Variants in KIFC3 observed in about 807,000 individuals in gnomAD.
The protein encoded by KIFC3 is kinesin family member C3, also known as kinesin-like protein KIFC3.
A neutral mutation model predicts 101.8 loss-of-function variants in KIFC3; 60 were observed. The ratio of observed to expected loss-of-function variants is 0.59; its 90% confidence interval spans 0.48 to 0.73. The LOEUF (loss-of-function observed/expected upper bound fraction) is 0.73. Among genes scored for constraint, KIFC3 ranks in the 30% least tolerant of loss-of-function variants. KIFC3 has a pLI of 0.00. For missense variants in KIFC3, 966 were observed against 1,137.1 expected (o/e 0.85, Z 2.16); for synonymous variants, 476 against 482.7 (o/e 0.99, Z 0.18).
chr16:57,830,004 G>C (rs941841532), intron 1 of KIFC3, among the ~76,000 whole-genome samples: 1 of 152,188 alleles, frequency 6.6e-6, no homozygotes, highest in Non-Finnish European at 1.5e-5. Context: ...AGATGACCAA[G>C]ATCATCCAAA....
At chr16:57,774,054 G>A (rs2051670694) in intron 3 of KIFC3, 1 of 152,266 alleles carries the variant, frequency 6.6e-6, no homozygotes, top group Non-Finnish European at 1.5e-5. Context: ...GGACAAGCAG[G>A]TGACCCAAGG....
intron 1 of KIFC3, among the ~76,000 whole-genome samples, chr16:57,854,962 G>A (rs1045209564): frequency 6.6e-5 from 10 of 151,654 alleles, no homozygotes; most frequent in East Asian, 2.0e-4. Flanking sequence ...GCTGACACCC[G>A]TAATCCCAGC....
At chr16:57,842,183 G>T (rs906754898) in intron 1 of KIFC3, among the ~76,000 whole-genome samples, 21 of 152,042 alleles carry the variant, frequency 1.4e-4, no homozygotes, top group African/African-American at 5.1e-4. Context: ...CTGGGCAACA[G>T]AGCGAGACTC....
chr16:57,791,972 C>A (rs1035899566), intron 3 of KIFC3, among the ~76,000 whole-genome samples: 2 of 152,176 alleles, frequency 1.3e-5, no homozygotes, highest in African/African-American at 4.8e-5. Flanking sequence ...CAACATCAAC[C>A]CCTGCACCCG....
At chr16:57,844,245 C>T (rs1345684487) in intron 1 of KIFC3, among the ~76,000 whole-genome samples, 1 of 151,844 alleles carries the variant, frequency 6.6e-6, no homozygotes, top group Non-Finnish European at 1.5e-5. Flanking sequence ...GCCTGGCCAA[C>T]ATGGGGAAGC....
chr16:57,763,829 A>G (rs1237567210), intron 12 of KIFC3, among the ~76,000 whole-genome samples: 1 of 152,118 alleles, frequency 6.6e-6, no homozygotes, highest in Non-Finnish European at 1.5e-5. Flanking sequence ...CTCAAGGTGA[A>G]ATGCAGCCCT....
chr16:57,791,349 T>C (rs1221276796), intron 3 of KIFC3, among the ~76,000 whole-genome samples: 1 of 152,216 alleles, frequency 6.6e-6, no homozygotes, highest in Non-Finnish European at 1.5e-5. Context: ...GAAGTTTCCA[T>C]TTGCCAGCCA....
intron 2 of KIFC3, among the ~76,000 whole-genome samples, chr16:57,796,516 C>T (rs1285647281): frequency 1.3e-5 from 2 of 152,170 alleles, no homozygotes; most frequent in African/African-American, 4.8e-5. Context: ...CTCAGGGTGG[C>T]AATATGGGGG....
chr16:57,850,471 T>TG (rs2056028724), intron 1 of KIFC3, among the ~76,000 whole-genome samples: 1 of 111,816 alleles, frequency 8.9e-6, no homozygotes, highest in African/African-American at 3.2e-5. Context: ...AAGGGTTTTT[T>TG]TTTTTTTTTT....
chr16:57,782,663 G>A (rs1389728657), intron 3 of KIFC3, among the ~76,000 whole-genome samples: 3 of 152,240 alleles, frequency 2.0e-5, no homozygotes, highest in African/African-American at 7.2e-5. Flanking sequence ...TCAAGGACAG[G>A]CTGGGCGCGG....
intron 3 of KIFC3, chr16:57,790,969 C>T: frequency 1.0e-6 from 1 of 980,404 alleles, no homozygotes; most frequent in Non-Finnish European, 1.2e-6. Context: ...CGCAGTGGCT[C>T]ACACCTGTAA....
intron 3 of KIFC3, chr16:57,785,617 T>A: frequency 7.9e-7 from 1 of 1,269,538 alleles, no homozygotes; most frequent in Non-Finnish European, 1.0e-6. Flanking sequence ...GGGCCGCACC[T>A]GGTGGCCCCG....
intron 12 of KIFC3, 125 bp downstream of exon 12, chr16:57,764,018 T>C (rs1366715478): frequency 4.1e-6 from 3 of 729,924 alleles, no homozygotes; most frequent in Non-Finnish European, 7.1e-6. Flanking sequence ...CTACAGCCTC[T>C]GCTCCTGGGT....
At chr16:57,797,582 C>T in intron 2 of KIFC3, 2 of 555,000 alleles carry the variant, frequency 3.6e-6, no homozygotes, top group Non-Finnish European at 4.7e-6. Flanking sequence ...AGCACATGGA[C>T]CCCAAGCCCC....
chr16:57,769,274 G>GATCC lies in KIFC3; in HGVS notation c.1218+317_1218+320dup, dbSNP rs1422732346. ...TGGTCTCAAACTCCTGACCTCAAGT[G>GATCC]ATCCGCCTGCCTCGGCCTCCCAAAG... On this transcript the variant is annotated intron_variant, in intron 9 of 19. Coordinates refer to ENST00000445690, the MANE Select transcript of KIFC3 (RefSeq NM_001130100.2). This position sits in a 1 kb window ranked among gnomAD's most constrained non-coding sequence, Gnocchi z 4.3. 6.6e-6 allele frequency among the ~76,000 whole-genome samples: 1 copy of GATCC among 152,190 alleles called. No individual in the cohort carries two copies. Among genetic ancestry groups the GATCC allele is most frequent in the African/African-American group, 2.4e-5 (1 of 41,450 alleles).
At chr16:57,771,143 C>A (rs748913243) in intron 6 of KIFC3, 55 bp downstream of exon 6, 1 of 1,596,854 alleles carries the variant, frequency 6.3e-7, no homozygotes, top group South Asian at 1.1e-5. Context: ...GCTAGCCCTG[C>A]CCCAGGTGCC....
intron 3 of KIFC3, among the ~76,000 whole-genome samples, chr16:57,779,175 C>T (rs1555613238): frequency 6.6e-6 from 1 of 152,182 alleles, no homozygotes; most frequent in Admixed American, 6.5e-5. Flanking sequence ...AAGGTGGAAG[C>T]AGCCCATGGA....
intron 18 of KIFC3, 171 bp from the exon 19 acceptor site, chr16:57,759,324 T>TC (rs2049526856): frequency 1.3e-6 from 1 of 763,620 alleles, no homozygotes; most frequent in Non-Finnish European, 2.1e-6. Flanking sequence ...GGCTCACTCC[T>TC]CACCTAGGAG....
At chr16:57,821,687 T>C (rs2055353212) in intron 1 of KIFC3, among the ~76,000 whole-genome samples, 2 of 152,084 alleles carry the variant, frequency 1.3e-5, no homozygotes, top group African/African-American at 4.8e-5. Context: ...GGTGCTATTA[T>C]AGGTAGGAGA....
Sources: allele counts gnomAD v4.1 joint callset (sites outside exome capture counted in the v4.1 genomes callset), GRCh38; gene constraint gnomAD v4.1.1; non-coding constraint Gnocchi (gnomAD v3.1); transcripts MANE v1.5; gene names NCBI Gene and HGNC (gene_info 2026-07-23, HGNC 2026-07-21).